PASK: variants seen among roughly 807,000 people sequenced by gnomAD.
PASK encodes the protein PAS domain-containing serine/threonine-protein kinase.
In PASK, 110 loss-of-function variants were observed where a neutral mutation model predicts 121.0. The observed-to-expected ratio is 0.91, with a 90% CI of 0.78 to 1.06. PASK has a LOEUF of 1.06. Among genes scored for constraint, PASK ranks in the 50% least tolerant of loss-of-function variants. The pLI is 0.00. For synonymous variants in PASK, 686 were observed against 717.8 expected (o/e 0.96, Z 0.71); for missense variants, 1,643 against 1,702.3 (o/e 0.97, Z 0.61).
intron 10 of PASK, 89 bp downstream of exon 10, chr2:241,126,107 A>C: frequency 8.6e-7 from 1 of 1,163,464 alleles, no homozygotes; most frequent in Non-Finnish European, 1.3e-6. Flanking sequence ...GTGAAACCCC[A>C]TCAGACCCCA....
intron 2 of PASK, 152 bp from the exon 3 acceptor site, chr2:241,140,905 C>T (rs980395690): frequency 9.0e-5 from 61 of 679,434 alleles, no homozygotes; most frequent in South Asian, 2.9e-4. Flanking sequence ...ACTCTCACTG[C>T]GTGTCTGAAC....
chr2:241,121,527 T>C (rs2065611310), intron 12 of PASK, among the ~76,000 whole-genome samples: 1 of 152,356 alleles, frequency 6.6e-6, no homozygotes. Context: ...AATCCAGCCA[T>C]ATCAGTAATT....
At chr2:241,118,658 C>T in intron 12 of PASK, 2 of 174,962 alleles carry the variant, frequency 1.1e-5, no homozygotes, top group Non-Finnish European at 2.4e-5. Flanking sequence ...AACACCAAAA[C>T]ACAAGTGACA....
chr2:241,138,108 T>A lies in PASK; in HGVS notation c.742-21A>T, dbSNP rs778783823. On this transcript the variant is annotated intron_variant, in intron 5 of 17. Coordinates refer to ENST00000234040, the MANE Select transcript of PASK (RefSeq NM_015148.4). ...GTGCCCTGGAGGAAAAGCCCCGTGC[T>A]TATCATAAAAGCTTCTTGTGCTCCA... The A allele has an allele frequency of 9.9e-6, 16 of 1,613,160 alleles. No individual in the cohort carries two copies. The East Asian group carries it at 2.2e-4, about 22-fold the overall frequency.
At chr2:241,140,152 T>A in intron 3 of PASK, 97 bp from the exon 4 acceptor site, 1 of 949,932 alleles carries the variant, frequency 1.1e-6, no homozygotes, top group East Asian at 2.6e-5. Flanking sequence ...AGCCAGCCTT[T>A]TCCTGACAGA....
chr2:241,132,706 G>A (rs2066221441), intron 9 of PASK, among the ~76,000 whole-genome samples, 168 bp downstream of exon 9: 1 of 152,160 alleles, frequency 6.6e-6, no homozygotes, highest in Non-Finnish European at 1.5e-5. Context: ...AGGCAGCACA[G>A]AAAACCCAGC....
Position 241,133,010 on chromosome 2 carries a change from G to T in PASK, c.1327C>A (p.Leu443Ile), listed in dbSNP as rs761641861. Residue 443 changes from leucine (L) to isoleucine (I), a missense_variant, in exon 9 of 18, where the codon CTT becomes ATT. Leu to Ile is a conservative substitution (Grantham distance 5). This residue lies in a region of PASK where 1,176 missense variants were observed against 1,162.2 expected (regional missense o/e 1.01). Coordinates refer to ENST00000234040, the MANE Select transcript of PASK (RefSeq NM_015148.4). ...GGQDPRINVV[L>I]AGGHVVPRDE... Reference sequence around the variant, plus strand: ...CGGGGCACAACGTGGCCACCAGCAAGCACGACATTAATCCTTGGATCTGGC... The same window carrying T: ...CGGGGCACAACGTGGCCACCAGCAATCACGACATTAATCCTTGGATCTGGC... 4.3e-6 allele frequency: 7 copies of T among 1,614,020 alleles called. No homozygotes were observed. Among genetic ancestry groups the T allele is most frequent in the Admixed American group, 3.3e-5 (2 of 60,004 alleles).
chr2:241,123,687 G>A (rs191953020), intron 11 of PASK, among the ~76,000 whole-genome samples: 385 of 151,992 alleles, frequency 2.5e-3, no homozygotes, highest in Non-Finnish European at 4.4e-3. Flanking sequence ...GCGTGGTGGC[G>A]CGTGCCTGTA....
In PASK at chr2:241,126,284, G is replaced by A. The variant is rs753037022; in HGVS notation, c.2631C>T (p.Ile877=). ...GCAGGCCAGCAGCCCCGCGCATCAC[G>A]ATCACGGGCGTGGAGGTGACCTGGA... ...LNVQVTSTPV[I]VMRGAAGLQR... is the part of the protein sequence containing the mutation. The change falls in exon 10 of 18, where the codon ATC becomes ATT. Residue 877 remains isoleucine (I), a synonymous_variant. Coordinates refer to ENST00000234040, the MANE Select transcript of PASK (RefSeq NM_015148.4). 2.0e-5 allele frequency: 33 copies of A among 1,614,042 alleles called. No individual in the cohort carries two copies. The highest frequency in any genetic ancestry group is 1.5e-4 in the South Asian group (14 of 91,094).
rs1272047193 is a variant in PASK, at chr2:241,108,208, GTCTCCTCCAGCTCACAGAAGGGGT to G, written c.3602_3625del (p.Asn1201_Glu1208del). ...TGGCGGGTGTATGGCAGCCTCCACG[GTCTCCTCCAGCTCACAGAAGGGGT>G]TCTCCTCAAAGACCAGCGTGTACAG... On this transcript the variant is annotated inframe_deletion, in exon 16 of 18. Transcript: ENST00000234040. This position sits in a 1 kb window ranked among gnomAD's most constrained non-coding sequence, Gnocchi z 5.2. 1.2e-6 allele frequency: 2 copies of G among 1,613,848 alleles called. No homozygotes were observed. The highest frequency in any genetic ancestry group is 1.7e-6 in the Non-Finnish European group (2 of 1,179,936).
chr2:241,149,437 A>T lies in PASK; in HGVS notation c.-66T>A, dbSNP rs151095227. ...ACCTGGATCAGGCGAGGGTCACGCC[A>T]AGCCGGCTACACACCACGGAAAGGA... On this transcript the variant is annotated 5_prime_UTR_variant, in exon 1 of 18. Transcript: ENST00000234040. 1,264 of 558,306 alleles carry T rather than the reference A, an allele frequency of 2.3e-3. 10 individuals are homozygous for T. The highest frequency in any genetic ancestry group is 0.022 in the African/African-American group (1,135 of 51,826). 34.6% of individuals were successfully genotyped at this position (558,306 alleles called of 1,614,324 possible). A position where few individuals can be genotyped will look rare whatever the true frequency, so the allele number is the denominator to read the frequency against.
chr2:241,135,654 T>C (rs1209433323), intron 8 of PASK, among the ~76,000 whole-genome samples: 1 of 151,952 alleles, frequency 6.6e-6, no homozygotes, highest in African/African-American at 2.4e-5. Context: ...TTTTCTATTC[T>C]CTTCTCTATG....
At chr2:241,140,979 C>A in intron 2 of PASK, 1 of 582,364 alleles carries the variant, frequency 1.7e-6, no homozygotes, top group Non-Finnish European at 3.1e-6. Context: ...AGCATAAGAT[C>A]AACACTTCTG....
In PASK at chr2:241,142,854, C is replaced by T; in HGVS notation, c.179G>A (p.Ser60Asn). 1 of 1,613,422 alleles carries T rather than the reference C, an allele frequency of 6.2e-7. No individual in the cohort carries two copies. Among genetic ancestry groups the T allele is most frequent in the East Asian group, 2.2e-5 (1 of 44,886 alleles). The change falls in exon 2 of 18, where the codon AGC becomes AAC. Residue 60 changes from serine to asparagine, a missense_variant. Transcript: ENST00000234040. ...GTCATTACCAGAGAGCGCTGTCCTGCTCTGGCAGAGTCTGGAAAGCCCATT... is the reference window on the plus strand; with the variant it reads ...GTCATTACCAGAGAGCGCTGTCCTGTTCTGGCAGAGTCTGGAAAGCCCATT... ...RRNGLSRLCQ[S>N]RTALSEDRWS...
chr2:241,131,007 A>C (rs1007455634), intron 9 of PASK, among the ~76,000 whole-genome samples: 1 of 152,224 alleles, frequency 6.6e-6, no homozygotes, highest in Non-Finnish European at 1.5e-5. Context: ...ACAAGAAAGA[A>C]GGCCTGGAAG....
intron 1 of PASK, among the ~76,000 whole-genome samples, chr2:241,148,760 G>A (rs1441273344): frequency 1.3e-5 from 2 of 152,188 alleles, no homozygotes; most frequent in African/African-American, 2.4e-5. Context: ...AAATTATAAA[G>A]TCTTAAATTA....
intron 10 of PASK, among the ~76,000 whole-genome samples, chr2:241,125,082 C>T (rs1344115709): frequency 2.6e-5 from 4 of 152,022 alleles, no homozygotes; most frequent in South Asian, 4.2e-4. Flanking sequence ...AGGTGGATCA[C>T]AAGGTCAGGA....
At chr2:241,143,754 T>A (rs1306494630) in intron 1 of PASK, among the ~76,000 whole-genome samples, 1 of 152,130 alleles carries the variant, frequency 6.6e-6, no homozygotes, top group Non-Finnish European at 1.5e-5. Flanking sequence ...ACAGCTCCCA[T>A]GGTCTCAGCT....
In PASK at chr2:241,123,979, A is replaced by T; in HGVS notation, c.2874T>A (p.Ala958=). Residue 958 remains alanine (A), a synonymous_variant, in exon 11 of 18, where the codon GCT becomes GCA. Transcript: ENST00000234040. ...CCAGGCTGGGTCCGGTGAGCTCAGCAGCGGTAGAGTGGGTGGAGCCGGGCA... is the reference window on the plus strand; with the variant it reads ...CCAGGCTGGGTCCGGTGAGCTCAGCTGCGGTAGAGTGGGTGGAGCCGGGCA... ...ASLPGSTHST[A]AELTGPSLVE... is the part of the protein sequence containing the mutation. 6.2e-7 allele frequency: 1 copy of T among 1,613,906 alleles called. No individual in the cohort carries two copies. The highest frequency in any genetic ancestry group is 8.5e-7 in the Non-Finnish European group (1 of 1,180,022).
Sources: allele counts gnomAD v4.1 joint callset (sites outside exome capture counted in the v4.1 genomes callset), GRCh38; gene constraint gnomAD v4.1.1; regional missense constraint gnomAD v4.1.1; non-coding constraint Gnocchi (gnomAD v3.1); transcripts MANE v1.5; gene names NCBI Gene and HGNC (gene_info 2026-07-23, HGNC 2026-07-21).